GLT8D2: variants seen among roughly 807,000 people sequenced by gnomAD.
The protein encoded by GLT8D2 is glycosyltransferase 8 domain containing 2, also known as glycosyltransferase 8 domain-containing protein 2.
A neutral mutation model predicts 44.5 loss-of-function variants in GLT8D2; 45 were observed. The ratio of observed to expected loss-of-function variants is 1.01; its 90% CI spans 0.80 to 1.30. The LOEUF (loss-of-function observed/expected upper bound fraction) is 1.30. Among genes scored for constraint, GLT8D2 ranks in the 50% most tolerant of loss-of-function variants. GLT8D2 has a pLI of 0.00. For synonymous variants in GLT8D2, 156 were observed against 157.2 expected (o/e 0.99, Z 0.06); for missense variants, 400 against 430.4 (o/e 0.93, Z 0.62).
At position 104,022,054 on chromosome 12, in the gene GLT8D2, AAGG is replaced by A. The variant is rs1377408415; in HGVS notation, c.-163-566_-163-564del. 2.6e-4 allele frequency among the ~76,000 whole-genome samples: 33 copies of A among 127,702 alleles called. 2 individuals carry two copies. The East Asian group carries it at 3.6e-3, about 14-fold the overall frequency. 83.8% of individuals were successfully genotyped at this position (127,702 alleles called of 152,430 possible). A position where few individuals can be genotyped will look rare whatever the true frequency, so the allele number is the denominator to read the frequency against. ...GAAGAAGAAGAAGAAGAAGAAGAAG[AAGG>A]GAAAGAAAGAAAGAAAGAAAAAAAA... On this transcript the variant is annotated intron_variant, in intron 1 of 10. Transcript: ENST00000360814.
chr12:104,031,669 G>A lies in GLT8D2; in HGVS notation c.-163-10178C>T, dbSNP rs1485555066. 7 of 737,886 alleles carry A rather than the reference G, an allele frequency of 9.5e-6. No individual in the cohort carries two copies. The East Asian group carries it at 1.4e-4, about 14-fold the overall frequency. The allele number at this position is 737,886 out of a possible 1,614,324, so 45.7% of individuals were successfully genotyped here. On this transcript the variant is annotated intron_variant, in intron 1 of 10. Transcript: ENST00000360814. ...CATCTTGAGTTGTAGCTGCAGATGG[G>A]GACCAGTGGCTCCCATTTTCATTTT...
chr12:104,011,034 C>A (rs1467062830), intron 4 of GLT8D2, among the ~76,000 whole-genome samples: 6 of 152,192 alleles, frequency 3.9e-5, no homozygotes, highest in Non-Finnish European at 7.3e-5. Context: ...CAACACATGA[C>A]ACTGCCACAC....
chr12:104,048,464 G>A (rs1000488113), intron 1 of GLT8D2, among the ~76,000 whole-genome samples: 3 of 152,128 alleles, frequency 2.0e-5, no homozygotes, highest in Non-Finnish European at 2.9e-5. Flanking sequence ...GGAAAATGCT[G>A]AAATTAAAAA....
chr12:104,006,737 T>C (rs1422313420), intron 4 of GLT8D2, among the ~76,000 whole-genome samples: 1 of 152,226 alleles, frequency 6.6e-6, no homozygotes, highest in Non-Finnish European at 1.5e-5. Context: ...TTTGCTTTTC[T>C]CAAAATCTGG....
In GLT8D2 at chr12:104,015,463, C is replaced by G. The variant is rs550324777; in HGVS notation, c.20-358G>C. On this transcript the variant is annotated intron_variant, in intron 3 of 10. Coordinates refer to ENST00000360814, the MANE Select transcript of GLT8D2 (RefSeq NM_001384711.1). ...ATTAGCTGGGCGTGGTGGCATGCACCTGTAGTCTCAGCTACTAAGGAGGCT... is the reference window on the plus strand; with the variant it reads ...ATTAGCTGGGCGTGGTGGCATGCACGTGTAGTCTCAGCTACTAAGGAGGCT... Among the ~76,000 whole-genome samples, 3 of 149,762 alleles carry G rather than the reference C, an allele frequency of 2.0e-5. No homozygotes were observed. In the East Asian group the frequency reaches 5.9e-4, roughly 29 times the overall value.
intron 4 of GLT8D2, among the ~76,000 whole-genome samples, chr12:104,006,936 A>G (rs551833389): frequency 3.3e-5 from 5 of 152,236 alleles, no homozygotes; most frequent in African/African-American, 9.6e-5. Flanking sequence ...GAATCAGAAT[A>G]TTTACTTTGC....
At chr12:104,014,466 C>T (rs1876294531) in intron 4 of GLT8D2, 1 of 574,906 alleles carries the variant, frequency 1.7e-6, no homozygotes, top group South Asian at 2.3e-5. Context: ...AGGCAATTCA[C>T]CCCCGAGGAG....
chr12:104,008,803 C>A (rs1593538325), intron 4 of GLT8D2, among the ~76,000 whole-genome samples: 1 of 152,394 alleles, frequency 6.6e-6, no homozygotes, highest in South Asian at 2.1e-4. Flanking sequence ...CCACTCCAGC[C>A]ATGGCTGAAA....
upstream of GLT8D2, among the ~76,000 whole-genome samples, chr12:104,053,878 C>T (rs978815161): frequency 1.4e-4 from 18 of 133,044 alleles, no homozygotes; most frequent in Admixed American, 1.4e-4. Context: ...AGCAAGACTC[C>T]GTCTCAAAAA....
chr12:104,002,852 G>A (rs1340087184), intron 5 of GLT8D2, among the ~76,000 whole-genome samples: 2 of 152,166 alleles, frequency 1.3e-5, no homozygotes, highest in Non-Finnish European at 2.9e-5. Flanking sequence ...GGTGGAAACA[G>A]AAGGATTGCT....
At chr12:104,040,076 T>A (rs1880362908) in intron 1 of GLT8D2, among the ~76,000 whole-genome samples, 2 of 152,084 alleles carry the variant, frequency 1.3e-5, no homozygotes, top group Non-Finnish European at 2.9e-5. Flanking sequence ...GTTCTCTCAC[T>A]CATGGGTGGG....
chr12:104,036,670 T>C (rs148384881), intron 1 of GLT8D2, among the ~76,000 whole-genome samples: 8,223 of 152,156 alleles, frequency 0.054, 511 homozygotes, highest in East Asian at 0.34. Context: ...AGCAAGTCCT[T>C]AGAGACCTAC....
At chr12:104,033,263 ATATGAG>A (rs1383131350) in intron 1 of GLT8D2, among the ~76,000 whole-genome samples, 20 of 152,192 alleles carry the variant, frequency 1.3e-4, no homozygotes, top group Admixed American at 8.5e-4. Context: ...TGTGGTATAT[ATATGAG>A]TATGTGTGTG....
chr12:103,994,125 C>G (rs972819623), intron 9 of GLT8D2: 1 of 358,484 alleles, frequency 2.8e-6, no homozygotes, highest in Non-Finnish European at 5.0e-6. Context: ...AGGGACTCCT[C>G]GCTCCACAGG....
At chr12:104,009,412 C>G (rs1407644759) in intron 4 of GLT8D2, among the ~76,000 whole-genome samples, 1 of 152,234 alleles carries the variant, frequency 6.6e-6, no homozygotes, top group African/African-American at 2.4e-5. Flanking sequence ...TTTGGAATGG[C>G]TGTATTTACC....
intron 1 of GLT8D2, among the ~76,000 whole-genome samples, chr12:104,046,870 G>T (rs988115430): frequency 2.0e-5 from 3 of 151,894 alleles, no homozygotes; most frequent in African/African-American, 4.8e-5. Flanking sequence ...TATCACCTAG[G>T]CTGGAGTGTG....
intron 1 of GLT8D2, among the ~76,000 whole-genome samples, chr12:104,048,936 G>T (rs1309765255): frequency 1.3e-5 from 2 of 152,182 alleles, no homozygotes; most frequent in East Asian, 3.9e-4. Context: ...AGCTTAGAAG[G>T]TGTGTAAGTG....
At chr12:104,004,766 T>C (rs987963593) in intron 4 of GLT8D2, among the ~76,000 whole-genome samples, 2 of 152,172 alleles carry the variant, frequency 1.3e-5, no homozygotes, top group African/African-American at 4.8e-5. Context: ...TCCATGCTCA[T>C]GGATAGGAAG....
rs144122666 is a variant in GLT8D2 at position 103,999,444 on chromosome 12, T to C, written c.355A>G (p.Lys119Glu). Residue 119 changes from lysine (K) to glutamate (E), a missense_variant, in exon 6 of 11, where the codon AAA (lysine) becomes GAA (glutamate). Transcript: ENST00000360814. ...GATGAGTCTGGTCTGATCTTCCCTTTGAGGACCATCGGGTTGAATTCCACG... is the reference window on the plus strand; with the variant it reads ...GATGAGTCTGGTCTGATCTTCCCTTCGAGGACCATCGGGTTGAATTCCACG... ...KIVEFNPMVLKGKIRPDSSRP... is the reference protein window; with the variant it reads ...KIVEFNPMVLEGKIRPDSSRP... The C allele has an allele frequency of 1.2e-6, 2 of 1,613,600 alleles. No individual in the cohort carries two copies. The highest frequency in any genetic ancestry group is 1.7e-6 in the Non-Finnish European group (2 of 1,179,558).
Sources: gnomAD v4.1 joint callset for allele counts (sites outside exome capture counted in the v4.1 genomes callset) on GRCh38, gnomAD v4.1.1 for gene constraint, MANE v1.5 for transcripts, NCBI Gene and HGNC (gene_info 2026-07-23, HGNC 2026-07-21) for gene names.